Variants in SLC24A3 observed in about 807,000 individuals in gnomAD.
The protein encoded by SLC24A3 is sodium/potassium/calcium exchanger 3.
Under a neutral mutation model 75.8 loss-of-function variants are expected in SLC24A3, and 28 were observed. The observed-to-expected ratio is 0.37, with a 90% CI of 0.27 to 0.51. The LOEUF (loss-of-function observed/expected upper bound fraction) is 0.51. SLC24A3 is among the 20% of genes least tolerant of loss of function. SLC24A3 has a pLI of 0.94. For missense variants in SLC24A3, 663 were observed against 847.8 expected (o/e 0.78, Z 2.71); for synonymous variants, 372 against 334.1 (o/e 1.11, Z -1.24).
At chr20:19,260,519 G>C (rs1476357987) in intron 1 of SLC24A3, among the ~76,000 whole-genome samples, 1 of 152,174 alleles carries the variant, frequency 6.6e-6, no homozygotes. Flanking sequence ...GAGCTGTGTT[G>C]TATTTAGAAA....
At chr20:19,263,921 AAGG>A (rs1347006046) in intron 1 of SLC24A3, among the ~76,000 whole-genome samples, 1 of 152,138 alleles carries the variant, frequency 6.6e-6, no homozygotes, top group Non-Finnish European at 1.5e-5. Context: ...CCAATGGTGA[AAGG>A]AGAAGAGAGA....
intron 15 of SLC24A3, among the ~76,000 whole-genome samples, chr20:19,715,366 G>A (rs1018796809): frequency 5.9e-5 from 9 of 152,186 alleles, no homozygotes; most frequent in South Asian, 2.1e-4. Flanking sequence ...GCTGGACTGC[G>A]ACGGGGCCGA....
intron 2 of SLC24A3, among the ~76,000 whole-genome samples, chr20:19,347,443 G>A (rs1244180494): frequency 6.7e-6 from 1 of 149,486 alleles, no homozygotes; most frequent in African/African-American, 2.6e-5. Context: ...AATGCAAGAT[G>A]TTAGTAATAG....
At chr20:19,393,798 A>G (rs983238844) in intron 2 of SLC24A3, among the ~76,000 whole-genome samples, 2 of 152,220 alleles carry the variant, frequency 1.3e-5, no homozygotes, top group African/African-American at 4.8e-5. Context: ...AAAATGATCT[A>G]CGTATTTAAT....
At chr20:19,239,907 A>T (rs1982281736) in intron 1 of SLC24A3, among the ~76,000 whole-genome samples, 1 of 152,046 alleles carries the variant, frequency 6.6e-6, no homozygotes, top group Admixed American at 6.6e-5. Context: ...CCCTCGTTGG[A>T]CTGTATGGGA....
At chr20:19,570,958 A>G (rs1600284897) in intron 3 of SLC24A3, among the ~76,000 whole-genome samples, 1 of 152,142 alleles carries the variant, frequency 6.6e-6, no homozygotes, top group African/African-American at 2.4e-5. Context: ...AGAGGTCTCC[A>G]TAGAAGGGGA....
intron 2 of SLC24A3, among the ~76,000 whole-genome samples, chr20:19,465,064 T>G (rs1227310491): frequency 6.6e-6 from 1 of 152,226 alleles, no homozygotes; most frequent in African/African-American, 2.4e-5. Flanking sequence ...TGTTTAAATT[T>G]TACTTAAATT....
chr20:19,512,070 A>G (rs990980778), intron 2 of SLC24A3, among the ~76,000 whole-genome samples: 9 of 152,196 alleles, frequency 5.9e-5, no homozygotes, highest in Admixed American at 3.3e-4. Flanking sequence ...ACTGTGCCAG[A>G]TTGGAGGCTC....
chr20:19,327,393 G>A (rs1440907967), intron 2 of SLC24A3, among the ~76,000 whole-genome samples: 3 of 152,202 alleles, frequency 2.0e-5, no homozygotes, highest in South Asian at 2.1e-4. Context: ...GCCAACGGAT[G>A]GAACATATGA....
intron 3 of SLC24A3, among the ~76,000 whole-genome samples, chr20:19,537,897 G>C (rs2030428226): frequency 7.4e-6 from 1 of 134,950 alleles, no homozygotes; most frequent in Non-Finnish European, 1.6e-5. Context: ...GGGAGGGGGA[G>C]GGATAGCATT....
intron 3 of SLC24A3, among the ~76,000 whole-genome samples, chr20:19,549,237 A>T (rs2122596729): frequency 6.6e-6 from 1 of 152,354 alleles, no homozygotes; most frequent in Middle Eastern, 3.4e-3. Flanking sequence ...TTCTCTGTGA[A>T]GGCTTTACAC....
rs1012430971 is a variant in SLC24A3 at position 19,632,336 on chromosome 20, G to A, written c.613-21726G>A. Among the ~76,000 whole-genome samples, 51 of 152,082 alleles carry A rather than the reference G, an allele frequency of 3.4e-4. 1 individual carries two copies. The highest frequency in any genetic ancestry group is 2.9e-5 in the Non-Finnish European group (2 of 68,020). ...GTTAGAAGTCTAAAATCGAGGTGTC[G>A]GTAGGAATGTATTCCTTCTGGAAGC... On this transcript the variant is annotated intron_variant, in intron 6 of 16. Coordinates refer to ENST00000328041, the MANE Select transcript of SLC24A3 (RefSeq NM_020689.4).
intron 2 of SLC24A3, among the ~76,000 whole-genome samples, chr20:19,289,064 C>T (rs1983879703): frequency 6.6e-6 from 1 of 152,072 alleles, no homozygotes; most frequent in South Asian, 2.1e-4. Flanking sequence ...GCAGGAATGA[C>T]ATTTCCAAGG....
At chr20:19,247,197 C>T (rs758338494) in intron 1 of SLC24A3, among the ~76,000 whole-genome samples, 5 of 152,118 alleles carry the variant, frequency 3.3e-5, no homozygotes, top group Non-Finnish European at 5.9e-5. Context: ...AAAGCAGGGC[C>T]AATGACTCCA....
chr20:19,371,703 AC>A (rs1985995717), intron 2 of SLC24A3, among the ~76,000 whole-genome samples: 1 of 152,020 alleles, frequency 6.6e-6, no homozygotes, highest in Non-Finnish European at 1.5e-5. Flanking sequence ...TTGGGGTGGG[AC>A]CCCAGACCCA....
At position 19,720,972 on chromosome 20, in the gene SLC24A3, C is replaced by G. The variant is rs370407619; in HGVS notation, c.1786-19C>G. ...CTGCCTCCTCCTGGTGCCCTCTGAA[C>G]CTGTTCTGTGCCCTGCAGGTGTTCG... On this transcript the variant is annotated intron_variant, in intron 16 of 16. Coordinates refer to ENST00000328041, the MANE Select transcript of SLC24A3 (RefSeq NM_020689.4). The G allele has an allele frequency of 1.2e-6, 2 of 1,612,658 alleles. No homozygotes were observed. Among genetic ancestry groups the G allele is most frequent in the African/African-American group, 2.7e-5 (2 of 74,852 alleles).
chr20:19,462,843 G>C (rs943668601), intron 2 of SLC24A3, among the ~76,000 whole-genome samples: 1 of 152,172 alleles, frequency 6.6e-6, no homozygotes, highest in African/African-American at 2.4e-5. Context: ...CCCTAGCAAT[G>C]CTTTTCCACT....
chr20:19,538,499 A>G (rs753365143), intron 3 of SLC24A3, among the ~76,000 whole-genome samples: 4 of 152,218 alleles, frequency 2.6e-5, no homozygotes, highest in Non-Finnish European at 5.9e-5. Context: ...GAATGTTCAA[A>G]TGGCCAATAA....
At chr20:19,394,591 C>T (rs948047972) in intron 2 of SLC24A3, among the ~76,000 whole-genome samples, 14 of 152,066 alleles carry the variant, frequency 9.2e-5, no homozygotes, top group East Asian at 3.9e-4. Flanking sequence ...TACAAGTGGC[C>T]GACAAGTGTA....
Sources: allele counts gnomAD v4.1 joint callset (sites outside exome capture counted in the v4.1 genomes callset), GRCh38; gene constraint gnomAD v4.1.1; transcripts MANE v1.5; gene names NCBI Gene and HGNC (gene_info 2026-07-23, HGNC 2026-07-21).